Variants in ENTREP2 observed in about 807,000 individuals in gnomAD.
ENTREP2 encodes protein ENTREP2.
At chr15:29,135,847 C>A in the ENTREP2 span, among the ~76,000 whole-genome samples, 1 of 152,204 alleles carries the variant, frequency 6.6e-6, no homozygotes. This position sits in a 1 kb window ranked among gnomAD's most constrained non-coding sequence, Gnocchi z 7.4. Context: ...GGGCTGCTTT[C>A]TCCCCACCCC....
At chr15:29,646,576 G>C in the ENTREP2 span, among the ~76,000 whole-genome samples, 2 of 152,036 alleles carry the variant, frequency 1.3e-5, no homozygotes, top group Non-Finnish European at 2.9e-5. Flanking sequence ...CATCAGCTGG[G>C]GAAAGTCCTC....
the ENTREP2 span, among the ~76,000 whole-genome samples, chr15:29,583,471 T>C: frequency 6.6e-6 from 1 of 151,984 alleles, no homozygotes; most frequent in South Asian, 2.1e-4. Context: ...GGCACAACAC[T>C]TACTGGGGCA....
the ENTREP2 span, among the ~76,000 whole-genome samples, chr15:29,321,452 A>G: frequency 1.3e-5 from 2 of 152,108 alleles, no homozygotes; most frequent in Admixed American, 1.3e-4. Context: ...GTTCGAGACC[A>G]GCCTGGCCAA....
chr15:29,592,373 C>T, the ENTREP2 span, among the ~76,000 whole-genome samples: 3 of 152,172 alleles, frequency 2.0e-5, no homozygotes, highest in South Asian at 2.1e-4. Context: ...TATAAAGAAA[C>T]GTATTGGCTC....
At chr15:29,613,579 C>T in the ENTREP2 span, 1 of 202,702 alleles carries the variant, frequency 4.9e-6, no homozygotes, top group East Asian at 1.6e-4. Flanking sequence ...TGCAGTGCCC[C>T]CTCCCCATCC....
the ENTREP2 span, among the ~76,000 whole-genome samples, chr15:29,574,298 G>T: frequency 6.6e-6 from 1 of 151,970 alleles, no homozygotes; most frequent in Admixed American, 6.6e-5. Context: ...TTGTTTCTTT[G>T]TTTTTGTTTT....
the ENTREP2 span, among the ~76,000 whole-genome samples, chr15:29,553,806 C>G: frequency 1.3e-5 from 2 of 152,178 alleles, no homozygotes; most frequent in African/African-American, 4.8e-5. Flanking sequence ...GTGAGTGGGA[C>G]GTCTGGGATG....
At chr15:29,137,060 G>A in the ENTREP2 span, 1 of 1,453,808 alleles carries the variant, frequency 6.9e-7, no homozygotes, top group Non-Finnish European at 9.0e-7. Context: ...ACGGTGTGCA[G>A]GTGTACTCTG....
At chr15:29,123,216 GT>G in the ENTREP2 span, 2 of 1,052,280 alleles carry the variant, frequency 1.9e-6, no homozygotes, top group Admixed American at 3.0e-5. Context: ...CATCCTGGGT[GT>G]CCCCCCCACA....
chr15:29,243,104 G>A, the ENTREP2 span, among the ~76,000 whole-genome samples: 1,279 of 152,306 alleles, frequency 8.4e-3, 19 homozygotes, highest in African/African-American at 0.03. Context: ...ACGTGGCTGA[G>A]TTTATGTTGT....
chr15:29,559,175 A>C, the ENTREP2 span, among the ~76,000 whole-genome samples: 1 of 152,154 alleles, frequency 6.6e-6, no homozygotes, highest in Non-Finnish European at 1.5e-5. Context: ...TGGCAAAAAA[A>C]GTAAGCACTC....
At chr15:29,377,299 T>C in the ENTREP2 span, among the ~76,000 whole-genome samples, 1 of 152,130 alleles carries the variant, frequency 6.6e-6, no homozygotes, top group Non-Finnish European at 1.5e-5. Context: ...CAGTTCCATT[T>C]TGTGGTCCCT....
chr15:29,537,213 C>T, the ENTREP2 span, among the ~76,000 whole-genome samples: 1 of 152,128 alleles, frequency 6.6e-6, no homozygotes, highest in Non-Finnish European at 1.5e-5. Context: ...AGGGAGGGGA[C>T]TACCAAGCAG....
chr15:29,457,044 C>A, the ENTREP2 span, among the ~76,000 whole-genome samples: 3 of 152,200 alleles, frequency 2.0e-5, no homozygotes, highest in Non-Finnish European at 2.9e-5. Flanking sequence ...CTTCACAGGG[C>A]CCCGTGTTCT....
At chr15:29,479,554 C>A in the ENTREP2 span, among the ~76,000 whole-genome samples, 14 of 152,130 alleles carry the variant, frequency 9.2e-5, no homozygotes, top group East Asian at 2.5e-3. Flanking sequence ...AGTACCTGCT[C>A]CCCACTACTC....
chr15:29,491,400 G>T, the ENTREP2 span, among the ~76,000 whole-genome samples: 1 of 152,176 alleles, frequency 6.6e-6, no homozygotes, highest in Non-Finnish European at 1.5e-5. Flanking sequence ...GAGAGTGAGC[G>T]AGCGAGCACT....
the ENTREP2 span, among the ~76,000 whole-genome samples, chr15:29,288,950 G>A: frequency 6.6e-6 from 1 of 152,204 alleles, no homozygotes; most frequent in Non-Finnish European, 1.5e-5. Flanking sequence ...GCTCACGCCT[G>A]TAATTCCAGA....
At chr15:29,585,717 G>A in the ENTREP2 span, among the ~76,000 whole-genome samples, 18 of 152,130 alleles carry the variant, frequency 1.2e-4, no homozygotes, top group Middle Eastern at 3.2e-3. Context: ...TTAGCCGGGC[G>A]CGGTGGCGGG....
At chr15:29,479,206 CAAAAAAA>C in the ENTREP2 span, among the ~76,000 whole-genome samples, 3 of 72,378 alleles carry the variant, frequency 4.1e-5, no homozygotes, top group Non-Finnish European at 8.2e-5. Flanking sequence ...GGCTCTGTCT[CAAAAAAA>C]AAAAAAAAAA....
Sources: allele counts gnomAD v4.1 joint callset (sites outside exome capture counted in the v4.1 genomes callset), GRCh38; gene constraint gnomAD v4.1.1; non-coding constraint Gnocchi (gnomAD v3.1); transcripts MANE v1.5; gene names NCBI Gene and HGNC (gene_info 2026-07-23, HGNC 2026-07-21).